The following LMNB2 variants were observed in gnomAD, a reference collection of about 807,000 sequenced individuals.
The protein encoded by LMNB2 is lamin-B2.
A neutral mutation model predicts 69.3 loss-of-function variants in LMNB2; 17 were observed. The observed-to-expected ratio is 0.25, with a 90% CI of 0.17 to 0.37. The LOEUF (loss-of-function observed/expected upper bound fraction) is 0.37, where lower values mean the gene tolerates loss of function less well. Ranked by LOEUF, LMNB2 falls within the 10% of genes least tolerant of loss-of-function variation. The pLI is 1.00. For missense variants in LMNB2, 789 were observed against 883.6 expected (o/e 0.89, Z 1.36); for synonymous variants, 397 against 389.3 (o/e 1.02, Z -0.23).
At chr19:2,449,834 G>A (rs546182931) in intron 1 of LMNB2, among the ~76,000 whole-genome samples, 3 of 151,932 alleles carry the variant, frequency 2.0e-5, no homozygotes, top group Admixed American at 1.3e-4. Flanking sequence ...CCAGCACTTC[G>A]GGAGGCCAAG....
intron 1 of LMNB2, among the ~76,000 whole-genome samples, chr19:2,452,698 C>A (rs1282888600): frequency 2.0e-5 from 3 of 152,098 alleles, no homozygotes; most frequent in Non-Finnish European, 4.4e-5. Context: ...TGCACTCCAG[C>A]CTGGGCGACA....
intron 2 of LMNB2, 108 bp downstream of exon 2, chr19:2,444,296 C>G (rs879227121): frequency 7.7e-7 from 1 of 1,303,552 alleles, no homozygotes; most frequent in Non-Finnish European, 1.1e-6. Context: ...GAGCTCCAGG[C>G]TGTGCCCGTA....
intron 4 of LMNB2, 44 bp from the exon 5 acceptor site, chr19:2,435,215 C>A: frequency 6.3e-7 from 1 of 1,595,114 alleles, no homozygotes; most frequent in Non-Finnish European, 8.5e-7. Context: ...GCCTGGGCCC[C>A]AAGCACCAGG....
At chr19:2,444,315 T>C in intron 2 of LMNB2, 89 bp downstream of exon 2, 2 of 1,476,776 alleles carry the variant, frequency 1.4e-6, no homozygotes, top group Admixed American at 1.7e-5. Flanking sequence ...TATCAGAGCA[T>C]GCCCCGCACG....
At position 2,434,060 on chromosome 19, in the gene LMNB2, T is replaced by G; in HGVS notation, c.1248A>C (p.Arg416=). Residue 416 remains arginine, a synonymous_variant, in exon 8 of 12, where the codon CGA becomes CGC. Transcript: ENST00000325327. ...AGCTGCCGCTGCTGCTCGAGGTGGC[T>G]CGTGAGACGGTGACGCGCGAGGATG... ...PSPSSRVTVS[R]ATSSSSGSLS... The G allele has an allele frequency of 6.3e-7, 1 of 1,599,578 alleles. No individual in the cohort carries two copies. The highest frequency in any genetic ancestry group is 8.5e-7 in the Non-Finnish European group (1 of 1,174,492).
At chr19:2,445,831 G>A (rs1198948182) in intron 1 of LMNB2, among the ~76,000 whole-genome samples, 3 of 70,868 alleles carry the variant, frequency 4.2e-5, no homozygotes, top group African/African-American at 1.2e-4. Flanking sequence ...TTCACCCCTC[G>A]ATCACAGCGA....
intron 2 of LMNB2, among the ~76,000 whole-genome samples, chr19:2,439,296 G>A (rs938962126): frequency 5.3e-5 from 8 of 152,066 alleles, no homozygotes; most frequent in African/African-American, 1.7e-4. Flanking sequence ...CCAGGGTTCC[G>A]CAGCGTCACA....
At chr19:2,438,628 A>AC (rs1599335113) in intron 2 of LMNB2, 97 bp from the exon 3 acceptor site, 8 of 1,458,096 alleles carry the variant, frequency 5.5e-6, no homozygotes, top group Non-Finnish European at 7.4e-6. Flanking sequence ...AGACAAGGTC[A>AC]CCGAGGCCTC....
rs1291156234 is a variant in LMNB2 at position 2,438,072 on chromosome 19, C to T, written c.684+91G>A. On this transcript the variant is annotated intron_variant, in intron 4 of 11. Coordinates refer to ENST00000325327, the MANE Select transcript of LMNB2 (RefSeq NM_032737.4). ...AGAGCCGTGGGAGGGACCCCGGCCA[C>T]ACGGTGCCCTCAGGCTTCCGCCCTC... 1.3e-5 allele frequency: 21 copies of T among 1,589,610 alleles called. No individual in the cohort carries two copies. In the Middle Eastern group the frequency reaches 2.2e-3, roughly 169 times the overall value.
chr19:2,443,115 G>A lies in LMNB2; in HGVS notation c.401+1289C>T. ...AGCTGCTGCCTGAGCAGGTCCCGGG[G>A]TGCACCTGTGCTGTGTGGGATGTGC... On this transcript the variant is annotated intron_variant, in intron 2 of 11. Coordinates refer to ENST00000325327, the MANE Select transcript of LMNB2 (RefSeq NM_032737.4). This position sits in a 1 kb window ranked among gnomAD's most constrained non-coding sequence, Gnocchi z 6.2. Among the ~76,000 whole-genome samples the A allele has an allele frequency of 6.6e-6, 1 of 152,238 alleles. No homozygotes were observed. The highest frequency in any genetic ancestry group is 1.9e-4 in the East Asian group (1 of 5,200).
intron 4 of LMNB2, among the ~76,000 whole-genome samples, chr19:2,435,952 C>A (rs1312115947): frequency 1.3e-5 from 2 of 152,188 alleles, no homozygotes; most frequent in East Asian, 3.9e-4. Flanking sequence ...AGTTCGAGAC[C>A]AGCCTAGCCA....
At position 2,428,525 on chromosome 19, in the gene LMNB2, C is replaced by G. The variant is rs1377396572; in HGVS notation, c.*2386G>C. The G allele has an allele frequency of 6.6e-6, 1 of 152,310 alleles. No individual in the cohort carries two copies. The highest frequency in any genetic ancestry group is 1.5e-5 in the Non-Finnish European group (1 of 68,092). The allele number at this position is 152,310 out of a possible 1,614,324, so 9.4% of individuals were successfully genotyped here. A position where few individuals can be genotyped will look rare whatever the true frequency, so the allele number is the denominator to read the frequency against. Reference sequence around the variant, plus strand: ...GGATTCTGGGTCAGCCCGCAGGCCTCCCGGCTCCTGGGCTCAGCGGGGCAG... The same window carrying G: ...GGATTCTGGGTCAGCCCGCAGGCCTGCCGGCTCCTGGGCTCAGCGGGGCAG... On this transcript the variant is annotated 3_prime_UTR_variant, in exon 12 of 12. Transcript: ENST00000325327.
At position 2,431,671 on chromosome 19, in the gene LMNB2, G is replaced by A. The variant is rs767398209; in HGVS notation, c.1711-13C>T. 3.7e-6 allele frequency: 6 copies of A among 1,614,102 alleles called. No homozygotes were observed. In the South Asian group the frequency reaches 4.4e-5, roughly 12 times the overall value. ...TCATGGCCACTTCCTGTGCGGGACA[G>A]GACACGGCGGCATGTCCCGGGATCG... On this transcript the variant is annotated splice_polypyrimidine_tract_variant and intron_variant, in intron 10 of 11. Coordinates refer to ENST00000325327, the MANE Select transcript of LMNB2 (RefSeq NM_032737.4).
intron 2 of LMNB2, among the ~76,000 whole-genome samples, chr19:2,439,537 A>G (rs529623588): frequency 5.3e-5 from 8 of 152,284 alleles, no homozygotes; most frequent in Middle Eastern, 3.4e-3. Context: ...AAGTGTCCCC[A>G]GGAATCACCC....
chr19:2,431,638 C>T lies in LMNB2; in HGVS notation c.1731G>A (p.Val577=). Residue 577 remains valine, a synonymous_variant, in exon 11 of 12, where the codon GTG becomes GTA. Coordinates refer to ENST00000325327, the MANE Select transcript of LMNB2 (RefSeq NM_032737.4). ...ADGEEVAMRT[V]KKSSVMRENE... is the part of the protein sequence containing the mutation. ...TCTCACGCATCACCGAGGACTTCTT[C>T]ACAGTCCTCATGGCCACTTCCTGTG... 1 of 1,614,172 alleles carries T rather than the reference C, an allele frequency of 6.2e-7. No individual in the cohort carries two copies. Among genetic ancestry groups the T allele is most frequent in the South Asian group, 1.1e-5 (1 of 91,088 alleles).
intron 1 of LMNB2, among the ~76,000 whole-genome samples, chr19:2,452,777 C>T (rs900001114): frequency 1.3e-5 from 2 of 151,700 alleles, no homozygotes; most frequent in Admixed American, 6.6e-5. Context: ...CGCCACACAC[C>T]AGGATGCTGT....
Position 2,434,230 on chromosome 19 carries a change from C to G in LMNB2, c.1202+65G>C, listed in dbSNP as rs1027310123. On this transcript the variant is annotated intron_variant, in intron 7 of 11. Coordinates refer to ENST00000325327, the MANE Select transcript of LMNB2 (RefSeq NM_032737.4). ...CCCAGCACTCCCCGCAGCCCCGTCC[C>G]GCCTCTCCTCCTGCCCTGCCCCTCC... 6.3e-6 allele frequency: 10 copies of G among 1,581,280 alleles called. 1 individual carries two copies. In the Admixed American group the frequency reaches 1.4e-4, roughly 22 times the overall value.
chr19:2,450,915 C>G (rs927400773), intron 1 of LMNB2, among the ~76,000 whole-genome samples: 5 of 150,120 alleles, frequency 3.3e-5, no homozygotes, highest in Non-Finnish European at 5.9e-5. Context: ...TAGGTGTGAG[C>G]CACTGCGCCC....
At chr19:2,448,328 G>C (rs1409887865) in intron 1 of LMNB2, among the ~76,000 whole-genome samples, 1 of 152,166 alleles carries the variant, frequency 6.6e-6, no homozygotes, top group Non-Finnish European at 1.5e-5. Context: ...TCAGGATGGG[G>C]GTCACACACG....
Sources: gnomAD v4.1 joint callset for allele counts (sites outside exome capture counted in the v4.1 genomes callset) on GRCh38, gnomAD v4.1.1 for gene constraint, Gnocchi (gnomAD v3.1) non-coding constraint, MANE v1.5 for transcripts, NCBI Gene and HGNC (gene_info 2026-07-23, HGNC 2026-07-21) for gene names.